The following SGCD variants were observed in gnomAD, a reference collection of about 807,000 sequenced individuals.
SGCD encodes sarcoglycan delta.
SGCD carries 18 observed loss-of-function variants against 36.6 expected under a neutral mutation model. The ratio of observed to expected loss-of-function variants is 0.49; its 90% CI spans 0.34 to 0.73. SGCD has a LOEUF of 0.73. SGCD is among the 30% of genes least tolerant of loss of function. The pLI, the probability that SGCD is intolerant of heterozygous loss-of-function variation, is 0.01. For synonymous variants in SGCD, 133 were observed against 130.6 expected, an observed-to-expected ratio of 1.02 and a Z score of -0.12; for missense variants, 387 against 346.7, an observed-to-expected ratio of 1.12 and a Z score of -0.92.
intron 3 of SGCD, among the ~76,000 whole-genome samples, chr5:156,271,629 GTGTA>G (rs1195237327): frequency 6.6e-6 from 1 of 152,160 alleles, no homozygotes; most frequent in Non-Finnish European, 1.5e-5. Flanking sequence ...AGAGATGTGT[GTGTA>G]TGTGTGTGTG....
rs909481720 is a variant in SGCD, at chr5:156,161,691, T to A, written c.-44+37672T>A. Reference sequence around the variant, plus strand: ...CAAGAAATGAGTGATACAGAAGAGATGGGAGAACTATTATATGTTTGCAGT... The same window carrying A: ...CAAGAAATGAGTGATACAGAAGAGAAGGGAGAACTATTATATGTTTGCAGT... On this transcript the variant is annotated intron_variant, in intron 3 of 9. Coordinates refer to the SGCD transcript ENST00000517913. Among the ~76,000 whole-genome samples the A allele has an allele frequency of 3.9e-5, 6 of 151,988 alleles. No homozygotes were observed. The East Asian group carries it at 1.2e-3, about 29-fold the overall frequency.
intron 7 of SGCD, among the ~76,000 whole-genome samples, chr5:156,710,702 G>C (rs367744024): frequency 6.6e-6 from 1 of 152,206 alleles, no homozygotes; most frequent in Non-Finnish European, 1.5e-5. Context: ...GGAGTCAATA[G>C]AGTGTCTCGG....
chr5:156,243,523 A>G (rs1320804708), intron 3 of SGCD, among the ~76,000 whole-genome samples: 1 of 152,202 alleles, frequency 6.6e-6, no homozygotes, highest in Non-Finnish European at 1.5e-5. Flanking sequence ...ATTGGAAGCA[A>G]TACTATAAAT....
intron 7 of SGCD, chr5:156,738,738 G>C (rs1229620775): frequency 1.3e-5 from 2 of 152,180 alleles, no homozygotes; most frequent in East Asian, 3.9e-4. Context: ...CAGTTTGAGG[G>C]GGGAATGACT....
At chr5:156,183,708 A>G (rs906584961) in intron 3 of SGCD, among the ~76,000 whole-genome samples, 5 of 152,164 alleles carry the variant, frequency 3.3e-5, no homozygotes, top group Non-Finnish European at 5.9e-5. Context: ...CACCTCATCC[A>G]TAATAATTGT....
chr5:156,353,004 T>C (rs918088212), intron 3 of SGCD, among the ~76,000 whole-genome samples: 2 of 152,226 alleles, frequency 1.3e-5, no homozygotes, highest in African/African-American at 4.8e-5. Context: ...AAGATAAAGA[T>C]CCACTGAGGG....
At chr5:155,870,490 G>A (rs1352435741) in intron 1 of SGCD, 1 of 152,066 alleles carries the variant, frequency 6.6e-6, no homozygotes, top group African/African-American at 2.4e-5. Context: ...GCTTTTAAGG[G>A]ATCTGCTAGT....
chr5:156,632,003 A>C (rs10428646), intron 6 of SGCD, among the ~76,000 whole-genome samples: 18,399 of 152,182 alleles, frequency 0.12, 1,250 homozygotes, highest in Non-Finnish European at 0.15. Flanking sequence ...TTAAAAATTT[A>C]TTTAAAAATG....
At chr5:156,426,115 A>C (rs1311767836) in intron 3 of SGCD, among the ~76,000 whole-genome samples, 1 of 152,092 alleles carries the variant, frequency 6.6e-6, no homozygotes, top group African/African-American at 2.4e-5. Flanking sequence ...TTTTACTTTC[A>C]GTTCTTTAAG....
intron 3 of SGCD, among the ~76,000 whole-genome samples, chr5:156,288,548 T>A (rs1205140297): frequency 1.3e-5 from 2 of 152,182 alleles, no homozygotes; most frequent in Non-Finnish European, 2.9e-5. Context: ...GGCTTTTTAT[T>A]CCTGAGACTG....
intron 1 of SGCD, among the ~76,000 whole-genome samples, chr5:156,005,611 T>C (rs1758746768): frequency 6.6e-6 from 1 of 152,120 alleles, no homozygotes; most frequent in Non-Finnish European, 1.5e-5. Flanking sequence ...CCGCCGCACC[T>C]GGCTAATTTT....
intron 4 of SGCD, among the ~76,000 whole-genome samples, chr5:156,509,992 T>C (rs1455589032): frequency 6.6e-6 from 1 of 152,206 alleles, no homozygotes; most frequent in Non-Finnish European, 1.5e-5. Flanking sequence ...ATTGTGTGCA[T>C]TGATTAGCAT....
the SGCD span, among the ~76,000 whole-genome samples, chr5:155,737,211 C>T: frequency 1.6e-4 from 25 of 152,284 alleles, no homozygotes; most frequent in Admixed American, 5.9e-4. Flanking sequence ...GGCTTGCAAA[C>T]GACTATGAGG....
At chr5:156,514,976 A>G (rs1757095687) in intron 4 of SGCD, among the ~76,000 whole-genome samples, 1 of 152,168 alleles carries the variant, frequency 6.6e-6, no homozygotes, top group South Asian at 2.1e-4. Flanking sequence ...GATGATTTTC[A>G]CATCATCATA....
chr5:155,825,596 A>G, the SGCD span, among the ~76,000 whole-genome samples: 21 of 152,204 alleles, frequency 1.4e-4, no homozygotes, highest in Non-Finnish European at 2.9e-4. Flanking sequence ...TGCTAGAAGT[A>G]TGTCAGAGAG....
At chr5:156,527,276 A>G (rs1434810017) in intron 4 of SGCD, among the ~76,000 whole-genome samples, 3 of 152,204 alleles carry the variant, frequency 2.0e-5, no homozygotes, top group African/African-American at 4.8e-5. Context: ...TAATGGGTTA[A>G]GATCAGAAAA....
At chr5:156,444,489 G>T (rs146999926) in intron 3 of SGCD, among the ~76,000 whole-genome samples, 98 of 152,118 alleles carry the variant, frequency 6.4e-4, no homozygotes, top group African/African-American at 2.3e-3. Flanking sequence ...CTGGTTGAAG[G>T]TACACAGCTG....
chr5:155,859,135 C>T, the SGCD span, among the ~76,000 whole-genome samples: 1 of 151,840 alleles, frequency 6.6e-6, no homozygotes, highest in South Asian at 2.1e-4. Flanking sequence ...GATCATGGCT[C>T]ACTGCAGCCG....
chr5:156,173,074 G>T (rs10064955), intron 3 of SGCD, among the ~76,000 whole-genome samples: 10,617 of 151,866 alleles, frequency 0.07, 974 homozygotes, highest in African/African-American at 0.21. Context: ...TATTTTAGTA[G>T]CCCATTAACT....
Sources: allele counts gnomAD v4.1 joint callset (sites outside exome capture counted in the v4.1 genomes callset), GRCh38; gene constraint gnomAD v4.1.1; transcripts MANE v1.5; gene names NCBI Gene and HGNC (gene_info 2026-07-23, HGNC 2026-07-21).